NELL2: variants seen among roughly 807,000 people sequenced by gnomAD.
NELL2 encodes the protein protein kinase C-binding protein NELL2.
A neutral mutation model predicts 109.6 loss-of-function variants in NELL2; 41 were observed. That is an observed-to-expected ratio of 0.37 (90% CI 0.29 to 0.49). The LOEUF (loss-of-function observed/expected upper bound fraction) is 0.49, where lower values mean the gene tolerates loss of function less well. NELL2 is among the 20% of genes least tolerant of loss of function. NELL2 has a pLI of 0.98. For synonymous variants in NELL2, 355 were observed against 344.7 expected (o/e 1.03, Z -0.33); for missense variants, 900 against 1,008.3 (o/e 0.89, Z 1.45).
At chr12:44,709,563 A>G in intron 11 of NELL2, among the ~76,000 whole-genome samples, 1 of 152,176 alleles carries the variant, frequency 6.6e-6, no homozygotes, top group Non-Finnish European at 1.5e-5. Flanking sequence ...CTGACCCACA[A>G]TACTATTGCT....
intron 11 of NELL2, among the ~76,000 whole-genome samples, chr12:44,708,279 C>T (rs1036893072): frequency 6.6e-6 from 1 of 152,126 alleles, no homozygotes; most frequent in African/African-American, 2.4e-5. Context: ...CTACAGGGTA[C>T]CTAGAACACA....
intron 13 of NELL2, among the ~76,000 whole-genome samples, chr12:44,645,241 G>A (rs1241659731): frequency 6.6e-6 from 1 of 152,092 alleles, no homozygotes. Flanking sequence ...CCACTAAATG[G>A]CAATAAGCAA....
intron 12 of NELL2, among the ~76,000 whole-genome samples, chr12:44,672,527 C>T (rs1198416809): frequency 6.6e-6 from 1 of 152,174 alleles, no homozygotes; most frequent in Non-Finnish European, 1.5e-5. Flanking sequence ...AGACTGGGGA[C>T]TACTACCATA....
chr12:44,676,932 G>A (rs909012861), intron 12 of NELL2, among the ~76,000 whole-genome samples: 2 of 152,112 alleles, frequency 1.3e-5, no homozygotes, highest in African/African-American at 4.8e-5. Flanking sequence ...AACAGATGCA[G>A]TATCTGTCTT....
chr12:44,818,673 C>T (rs1306497503), intron 2 of NELL2, among the ~76,000 whole-genome samples: 1 of 146,118 alleles, frequency 6.8e-6, no homozygotes, highest in Non-Finnish European at 1.5e-5. Flanking sequence ...TTCACTATTG[C>T]TTTTGGAGTT....
At chr12:44,768,313 GTT>G (rs137883944) in intron 9 of NELL2, among the ~76,000 whole-genome samples, 33,036 of 149,106 alleles carry the variant, frequency 0.22, 3,789 homozygotes, top group South Asian at 0.28. Flanking sequence ...TTTTTAAAGG[GTT>G]TTTTTTTTAA....
Position 44,886,135 on chromosome 12 carries a change from GGA to G in NELL2, c.39-10237_39-10236del, listed in dbSNP as rs1566593505. Among the ~76,000 whole-genome samples the G allele has an allele frequency of 4.8e-4, 71 of 147,112 alleles. 3 individuals are homozygous for G. Among genetic ancestry groups the G allele is most frequent in the East Asian group, 4.4e-3 (22 of 5,050 alleles). On this transcript the variant is annotated intron_variant, in intron 1 of 20. Transcript: ENST00000333837. Reference sequence around the variant, plus strand: ...AGGAAGGAAGGAAGGAAGGAAGGAAGGAAGGAAGGAAGAAAGGGAGAGAATCC... The same window carrying G: ...AGGAAGGAAGGAAGGAAGGAAGGAAGAGGAAGGAAGAAAGGGAGAGAATCC...
chr12:44,708,770 AG>A (rs1164092046), intron 11 of NELL2, among the ~76,000 whole-genome samples: 1 of 152,210 alleles, frequency 6.6e-6, no homozygotes, highest in Non-Finnish European at 1.5e-5. Context: ...ATAATTTATC[AG>A]GGATTTTTTA....
chr12:44,788,371 T>C (rs1241743453), intron 3 of NELL2, among the ~76,000 whole-genome samples: 3 of 152,148 alleles, frequency 2.0e-5, no homozygotes, highest in African/African-American at 7.2e-5. Flanking sequence ...AGGGAGATCC[T>C]CTTCTCCCAA....
At chr12:44,838,861 A>G (rs976924371) in intron 2 of NELL2, among the ~76,000 whole-genome samples, 2 of 152,242 alleles carry the variant, frequency 1.3e-5, no homozygotes, top group Admixed American at 6.5e-5. Flanking sequence ...AGTCATTTCA[A>G]TATGCAGACC....
At chr12:44,721,478 A>T (rs1357979069) in intron 9 of NELL2, among the ~76,000 whole-genome samples, 2 of 152,228 alleles carry the variant, frequency 1.3e-5, no homozygotes, top group East Asian at 3.8e-4. Flanking sequence ...ATAATATAGT[A>T]AGGAAAAGTT....
At chr12:44,650,381 C>T (rs1447391265) in intron 13 of NELL2, among the ~76,000 whole-genome samples, 1 of 151,636 alleles carries the variant, frequency 6.6e-6, no homozygotes, top group East Asian at 1.9e-4. Flanking sequence ...GCAACCTCCG[C>T]CTCCCAGATT....
chr12:44,708,576 A>C (rs545022992), intron 11 of NELL2, among the ~76,000 whole-genome samples: 3 of 152,198 alleles, frequency 2.0e-5, no homozygotes, highest in Non-Finnish European at 4.4e-5. Flanking sequence ...AGCCTTGAAA[A>C]CTTGACTTCT....
At chr12:44,509,013 CAG>C (rs2138949960) in intron 19 of NELL2, 29 bp from the exon 20 acceptor site, 1 of 1,593,670 alleles carries the variant, frequency 6.3e-7, no homozygotes, top group Non-Finnish European at 8.6e-7. Flanking sequence ...GAAAGAAAAA[CAG>C]TATGAATTTT....
intron 9 of NELL2, among the ~76,000 whole-genome samples, chr12:44,719,118 T>A (rs1723491059): frequency 6.6e-6 from 1 of 152,190 alleles, no homozygotes; most frequent in Non-Finnish European, 1.5e-5. Context: ...TCACTTCATT[T>A]TCCCCCATTT....
At chr12:44,774,963 C>T in intron 8 of NELL2, 114 bp from the exon 9 acceptor site, 4 of 708,586 alleles carry the variant, frequency 5.6e-6, no homozygotes, top group Non-Finnish European at 9.2e-6. Flanking sequence ...ACAGAACAGG[C>T]CATTCATTGC....
At chr12:44,803,652 C>T (rs1942906072) in intron 3 of NELL2, among the ~76,000 whole-genome samples, 1 of 151,954 alleles carries the variant, frequency 6.6e-6, no homozygotes. Context: ...CTGATGCATA[C>T]ATGCTGCATA....
At chr12:44,875,149 G>A in intron 2 of NELL2, 76 bp downstream of exon 2, 4 of 1,541,528 alleles carry the variant, frequency 2.6e-6, no homozygotes, top group East Asian at 4.6e-5. Context: ...ACAAAGTTAG[G>A]ACAAGCGGCA....
intron 9 of NELL2, among the ~76,000 whole-genome samples, chr12:44,768,487 T>C (rs1349139415): frequency 1.3e-5 from 2 of 151,640 alleles, no homozygotes; most frequent in African/African-American, 4.9e-5. Context: ...TCTTGCCTAT[T>C]TGTCACATAT....
Sources: gnomAD v4.1 joint callset for allele counts (sites outside exome capture counted in the v4.1 genomes callset) on GRCh38, gnomAD v4.1.1 for gene constraint, MANE v1.5 for transcripts, NCBI Gene and HGNC (gene_info 2026-07-23, HGNC 2026-07-21) for gene names.